The following SLC24A2 variants were observed in gnomAD, a reference collection of about 807,000 sequenced individuals.
The protein encoded by SLC24A2 is solute carrier family 24 member 2.
A neutral mutation model predicts 62.0 loss-of-function variants in SLC24A2; 36 were observed. The observed-to-expected ratio is 0.58, with a 90% CI of 0.44 to 0.77. The LOEUF (loss-of-function observed/expected upper bound fraction) is 0.77. Among genes scored for constraint, SLC24A2 ranks in the 30% least tolerant of loss-of-function variants. The pLI is 0.00. For synonymous variants in SLC24A2, 358 were observed against 294.0 expected (o/e 1.22, Z -2.23); for missense variants, 846 against 817.9 (o/e 1.03, Z -0.42).
At chr9:20,004,939 AT>A in the SLC24A2 span, among the ~76,000 whole-genome samples, 39 of 152,228 alleles carry the variant, frequency 2.6e-4, no homozygotes, top group Admixed American at 2.4e-3. Flanking sequence ...TGTTTTCTTT[AT>A]CCTTGAAGTA....
At chr9:19,924,861 C>T in the SLC24A2 span, among the ~76,000 whole-genome samples, 2 of 152,160 alleles carry the variant, frequency 1.3e-5, no homozygotes, top group Admixed American at 6.5e-5. Context: ...AATTACTATC[C>T]TTCAGCTCAT....
intron 7 of SLC24A2, among the ~76,000 whole-genome samples, chr9:19,567,156 A>C (rs1348183671): frequency 6.7e-6 from 1 of 149,318 alleles, no homozygotes; most frequent in African/African-American, 2.5e-5. Context: ...AAAAAAAATA[A>C]ACCTAGAAAA....
At chr9:20,202,514 T>C in the SLC24A2 span, among the ~76,000 whole-genome samples, 1 of 152,122 alleles carries the variant, frequency 6.6e-6, no homozygotes, top group Non-Finnish European at 1.5e-5. Context: ...AAAGCAGTTA[T>C]GGCGGGGCCT....
At chr9:19,664,529 G>A (rs1329270169) in intron 2 of SLC24A2, among the ~76,000 whole-genome samples, 2 of 152,320 alleles carry the variant, frequency 1.3e-5, no homozygotes, top group East Asian at 3.9e-4. Flanking sequence ...AGGCAAATCT[G>A]GTGAAGCAGG....
chr9:19,820,028 C>CATATATATATACATATAT, the SLC24A2 span, among the ~76,000 whole-genome samples: 4 of 54,586 alleles, frequency 7.3e-5, no homozygotes, highest in African/African-American at 1.3e-4. Flanking sequence ...TATATATACA[C>CATATATATATACATATAT]ATATATATAT....
At chr9:19,584,273 T>TAAA (rs5896848) in intron 5 of SLC24A2, among the ~76,000 whole-genome samples, 4 of 119,940 alleles carry the variant, frequency 3.3e-5, no homozygotes, top group African/African-American at 9.5e-5. Flanking sequence ...TAGCAAATAG[T>TAAA]AAAAAAAAAA....
intron 2 of SLC24A2, among the ~76,000 whole-genome samples, chr9:19,743,483 A>G (rs1332423254): frequency 1.3e-5 from 2 of 152,148 alleles, no homozygotes; most frequent in African/African-American, 4.8e-5. Flanking sequence ...AAACTTTGCT[A>G]TTGACCTAGG....
At chr9:19,839,461 T>C in the SLC24A2 span, among the ~76,000 whole-genome samples, 4 of 152,340 alleles carry the variant, frequency 2.6e-5, no homozygotes, top group East Asian at 7.7e-4. Flanking sequence ...TACTATAGTC[T>C]GGATTATATT....
chr9:20,185,708 C>A, the SLC24A2 span, among the ~76,000 whole-genome samples: 1 of 151,714 alleles, frequency 6.6e-6, no homozygotes, highest in Non-Finnish European at 1.5e-5. Context: ...CATTACTCAG[C>A]CCCCAACCTC....
intron 2 of SLC24A2, among the ~76,000 whole-genome samples, chr9:19,655,439 A>C (rs1271027301): frequency 6.6e-6 from 1 of 152,200 alleles, no homozygotes; most frequent in Non-Finnish European, 1.5e-5. Context: ...TATGTTCAAA[A>C]ATGAGAGGCC....
At chr9:20,285,850 G>A in the SLC24A2 span, among the ~76,000 whole-genome samples, 77,818 of 151,682 alleles carry the variant, frequency 0.51, 20,708 homozygotes, top group African/African-American at 0.67. Flanking sequence ...TGCACAGAGG[G>A]AAGTCCATTT....
At chr9:19,871,713 T>C in the SLC24A2 span, among the ~76,000 whole-genome samples, 1 of 152,174 alleles carries the variant, frequency 6.6e-6, no homozygotes. Context: ...AAAAATAAGG[T>C]ATTTTTATTA....
the SLC24A2 span, among the ~76,000 whole-genome samples, chr9:19,918,815 G>A: frequency 6.6e-6 from 1 of 152,138 alleles, no homozygotes; most frequent in East Asian, 1.9e-4. Context: ...TGCCTCAGAG[G>A]AACTGCCCTT....
chr9:19,670,748 C>G (rs1310685706), intron 2 of SLC24A2, among the ~76,000 whole-genome samples: 3 of 152,194 alleles, frequency 2.0e-5, no homozygotes, highest in Non-Finnish European at 2.9e-5. Context: ...TCTTGTATGT[C>G]TCAGGGTAAG....
At chr9:19,932,471 A>T in the SLC24A2 span, among the ~76,000 whole-genome samples, 4 of 152,246 alleles carry the variant, frequency 2.6e-5, 1 homozygote, top group African/African-American at 9.6e-5. Context: ...GTAGCCAAAA[A>T]AACCAAGGTG....
the SLC24A2 span, among the ~76,000 whole-genome samples, chr9:19,812,741 T>C: frequency 6.6e-6 from 1 of 151,580 alleles, no homozygotes; most frequent in African/African-American, 2.4e-5. Flanking sequence ...TATTACTAGA[T>C]AGCCTCCAGA....
At chr9:20,002,383 T>C in the SLC24A2 span, among the ~76,000 whole-genome samples, 4 of 150,136 alleles carry the variant, frequency 2.7e-5, no homozygotes, top group Admixed American at 6.6e-5. Flanking sequence ...TTTTTTTTTT[T>C]CAGTAACAAT....
At chr9:20,047,386 T>G in the SLC24A2 span, among the ~76,000 whole-genome samples, 1 of 151,844 alleles carries the variant, frequency 6.6e-6, no homozygotes, top group Non-Finnish European at 1.5e-5. Flanking sequence ...ACACCATACC[T>G]GACAAAGGTC....
chr9:20,089,029 C>A, the SLC24A2 span, among the ~76,000 whole-genome samples: 3 of 152,112 alleles, frequency 2.0e-5, no homozygotes, highest in South Asian at 4.1e-4. Flanking sequence ...TGGGTGGGTC[C>A]CCCCAGCCTG....
Sources: gnomAD v4.1 joint callset for allele counts (sites outside exome capture counted in the v4.1 genomes callset) on GRCh38, gnomAD v4.1.1 for gene constraint, MANE v1.5 for transcripts, NCBI Gene and HGNC (gene_info 2026-07-23, HGNC 2026-07-21) for gene names.